Variants in MCTP2 observed in about 807,000 individuals in gnomAD.
MCTP2 encodes the protein multiple C2 and transmembrane domain containing 2.
In MCTP2, 132 loss-of-function variants were observed where a neutral mutation model predicts 111.6. The ratio of observed to expected loss-of-function variants is 1.18; its 90% CI spans 1.03 to 1.37. The LOEUF (loss-of-function observed/expected upper bound fraction) is 1.37, where lower values mean the gene tolerates loss of function less well. MCTP2 is among the 40% of genes most tolerant of loss of function. MCTP2 has a pLI of 0.00. For synonymous variants in MCTP2, 395 were observed against 387.7 expected (o/e 1.02, Z -0.22); for missense variants, 1,183 against 1,067.9 (o/e 1.11, Z -1.50).
intron 1 of MCTP2, among the ~76,000 whole-genome samples, chr15:94,242,930 T>C (rs1002539006): frequency 7.1e-6 from 1 of 141,116 alleles, no homozygotes; most frequent in Non-Finnish European, 1.6e-5. Flanking sequence ...CGTACACATA[T>C]ACACGTGTAT....
rs1186371152 is a variant in MCTP2, at chr15:94,480,515, G to C, written c.*1481G>C. On this transcript the variant is annotated 3_prime_UTR_variant, in exon 23 of 23. Coordinates refer to ENST00000357742, the MANE Select transcript of MCTP2 (RefSeq NM_001385001.1). ...CAAGTTAATGAAGCTGGCTGGAAAA[G>C]AGCCTTGCAGAAATTATAAAAGCTC... 6.6e-6 allele frequency: 1 copy of C among 152,178 alleles called. No individual in the cohort carries two copies. The highest frequency in any genetic ancestry group is 1.5e-5 in the Non-Finnish European group (1 of 68,030). 9.4% of individuals were successfully genotyped at this position (152,178 alleles called of 1,614,324 possible). A position where few individuals can be genotyped will look rare whatever the true frequency, so the allele number is the denominator to read the frequency against.
intron 12 of MCTP2, among the ~76,000 whole-genome samples, chr15:94,371,687 C>A (rs1426849708): frequency 5.9e-5 from 9 of 151,868 alleles, no homozygotes; most frequent in African/African-American, 2.2e-4. Context: ...TATGTGGAAA[C>A]CCTTTGTTTT....
intron 1 of MCTP2, among the ~76,000 whole-genome samples, chr15:94,268,020 C>G (rs1473703809): frequency 2.0e-5 from 3 of 150,864 alleles, no homozygotes; most frequent in Non-Finnish European, 4.4e-5. Context: ...TGCCCGCCAC[C>G]ACACCTGGCT....
chr15:94,317,871 GTAAA>G (rs1260821108), intron 4 of MCTP2, among the ~76,000 whole-genome samples: 2 of 151,974 alleles, frequency 1.3e-5, no homozygotes, highest in African/African-American at 4.8e-5. Flanking sequence ...CTACTTGTTG[GTAAA>G]TAGTTTTTTT....
At chr15:94,353,431 T>A (rs1253947312) in intron 8 of MCTP2, among the ~76,000 whole-genome samples, 5 of 152,206 alleles carry the variant, frequency 3.3e-5, no homozygotes, top group Non-Finnish European at 7.3e-5. Context: ...TAGAGCTAAG[T>A]GGAGCTGTTT....
rs550904257 is a variant in MCTP2 at position 94,285,847 on chromosome 15, A to C, written c.-65-12354A>C. On this transcript the variant is annotated intron_variant, in intron 1 of 22. Transcript: ENST00000357742. The stretch of plus-strand genomic sequence containing the variant: ...CTAGTCATTAACCAGAGAAGATAGG[A>C]TCTTACTTCTCTATTAATGCATTAT... Among the ~76,000 whole-genome samples, 219 of 152,270 alleles carry C rather than the reference A, an allele frequency of 1.4e-3. 1 individual carries two copies. The highest frequency in any genetic ancestry group is 2.5e-3 in the Non-Finnish European group (169 of 68,026).
chr15:94,352,003 C>T (rs375514378), intron 8 of MCTP2, among the ~76,000 whole-genome samples: 5 of 152,222 alleles, frequency 3.3e-5, no homozygotes, highest in African/African-American at 1.2e-4. Flanking sequence ...TCAGTTTCCT[C>T]TGCAGCCATG....
At chr15:94,441,580 A>C (rs894481949) in intron 18 of MCTP2, among the ~76,000 whole-genome samples, 1 of 152,246 alleles carries the variant, frequency 6.6e-6, no homozygotes, top group African/African-American at 2.4e-5. Context: ...CTATATGCAC[A>C]TAAGTGTGTA....
chr15:94,439,758 A>G (rs1487247505), intron 17 of MCTP2, among the ~76,000 whole-genome samples: 1 of 152,212 alleles, frequency 6.6e-6, no homozygotes, highest in Non-Finnish European at 1.5e-5. Context: ...TGGAAATCCA[A>G]AGTCTTTCTC....
intron 1 of MCTP2, among the ~76,000 whole-genome samples, chr15:94,269,326 G>C (rs1332865609): frequency 6.6e-6 from 1 of 152,090 alleles, no homozygotes; most frequent in African/African-American, 2.4e-5. Flanking sequence ...ATAAAGATTT[G>C]GGCAGAGTTT....
At chr15:94,250,603 G>A (rs2072345604) in intron 1 of MCTP2, among the ~76,000 whole-genome samples, 1 of 152,196 alleles carries the variant, frequency 6.6e-6, no homozygotes, top group South Asian at 2.1e-4. Context: ...CAGGGACTGA[G>A]AGTTATCTAT....
intron 1 of MCTP2, among the ~76,000 whole-genome samples, chr15:94,257,170 C>T (rs1321780953): frequency 5.3e-5 from 8 of 152,140 alleles, no homozygotes; most frequent in Non-Finnish European, 7.4e-5. Flanking sequence ...TTGGAATCCT[C>T]TTTCTCAAAT....
intron 21 of MCTP2, 57 bp from the exon 22 acceptor site, chr15:94,476,638 AG>A (rs2074379286): frequency 1.1e-6 from 1 of 876,658 alleles, no homozygotes; most frequent in Non-Finnish European, 1.9e-6. Flanking sequence ...ATAGATAGAT[AG>A]ATAGATAGAT....
chr15:94,397,342 T>C (rs1416505041), intron 14 of MCTP2, among the ~76,000 whole-genome samples: 2 of 152,248 alleles, frequency 1.3e-5, no homozygotes, highest in African/African-American at 4.8e-5. Context: ...TCTTCTGTTA[T>C]TCTTTGCCAA....
intron 1 of MCTP2, among the ~76,000 whole-genome samples, chr15:94,282,203 C>T (rs1280079218): frequency 6.6e-6 from 1 of 152,264 alleles, no homozygotes; most frequent in African/African-American, 2.4e-5. Flanking sequence ...GTGTAGTCTT[C>T]TACATAATCC....
intron 2 of MCTP2, among the ~76,000 whole-genome samples, chr15:94,311,350 G>A (rs572711547): frequency 2.6e-5 from 4 of 152,100 alleles, no homozygotes; most frequent in African/African-American, 4.8e-5. Flanking sequence ...TAAAAATCTC[G>A]TAATATTGGT....
intron 21 of MCTP2, among the ~76,000 whole-genome samples, chr15:94,476,062 G>C (rs1409347101): frequency 6.6e-6 from 1 of 152,188 alleles, no homozygotes; most frequent in East Asian, 1.9e-4. Flanking sequence ...GTTTCCTGCA[G>C]CATCAAAGTA....
intron 17 of MCTP2, among the ~76,000 whole-genome samples, chr15:94,429,717 T>C (rs1372575867): frequency 6.6e-6 from 1 of 152,204 alleles, no homozygotes; most frequent in African/African-American, 2.4e-5. Context: ...CAGTCTGATA[T>C]CTTTAAATGC....
At chr15:94,250,689 C>G (rs2072353837) in intron 1 of MCTP2, among the ~76,000 whole-genome samples, 1 of 152,126 alleles carries the variant, frequency 6.6e-6, no homozygotes, top group African/African-American at 2.4e-5. Context: ...TGAAGTCACT[C>G]AGAGAACAAT....
Sources: allele counts gnomAD v4.1 joint callset (sites outside exome capture counted in the v4.1 genomes callset), GRCh38; gene constraint gnomAD v4.1.1; transcripts MANE v1.5; gene names NCBI Gene and HGNC (gene_info 2026-07-23, HGNC 2026-07-21).